ERBIN: variants seen among roughly 807,000 people sequenced by gnomAD.
The protein encoded by ERBIN is erbb2 interacting protein, also known as densin-180-like protein.
ERBIN carries 60 observed loss-of-function variants against 158.4 expected under a neutral mutation model. That is an observed-to-expected ratio of 0.38 (90% CI 0.31 to 0.47). The LOEUF (loss-of-function observed/expected upper bound fraction) is 0.47. Ranked by LOEUF, ERBIN falls within the 20% of genes least tolerant of loss-of-function variation. ERBIN has a pLI of 0.99. For synonymous variants in ERBIN, 594 were observed against 557.2 expected, an observed-to-expected ratio of 1.07 and a Z score of -0.93; for missense variants, 1,610 against 1,648.0, an observed-to-expected ratio of 0.98 and a Z score of 0.40.
intron 4 of ERBIN, among the ~76,000 whole-genome samples, chr5:66,001,025 G>GC (rs1368680849): frequency 6.6e-6 from 1 of 151,918 alleles, no homozygotes; most frequent in Admixed American, 6.6e-5. Flanking sequence ...AATTAATAAA[G>GC]CACACATATT....
At chr5:65,984,355 G>T (rs952901951) in intron 1 of ERBIN, among the ~76,000 whole-genome samples, 3 of 152,162 alleles carry the variant, frequency 2.0e-5, no homozygotes, top group Admixed American at 2.0e-4. Flanking sequence ...CTTCACTAGG[G>T]GCCCCGTCTG....
intron 21 of ERBIN, among the ~76,000 whole-genome samples, chr5:66,061,950 A>G (rs1013708783): frequency 2.0e-5 from 3 of 152,156 alleles, no homozygotes; most frequent in Admixed American, 6.5e-5. Context: ...TGGGTAACCC[A>G]ACCTTTCTCT....
chr5:66,051,226 T>G (rs1199389403), intron 20 of ERBIN, among the ~76,000 whole-genome samples: 2 of 152,202 alleles, frequency 1.3e-5, no homozygotes, highest in Non-Finnish European at 2.9e-5. Flanking sequence ...TTTTTAGATA[T>G]GGCAACATAA....
intron 1 of ERBIN, among the ~76,000 whole-genome samples, chr5:65,965,155 C>A (rs1286631756): frequency 1.4e-5 from 1 of 70,812 alleles, no homozygotes; most frequent in Non-Finnish European, 3.5e-5. Context: ...CTAATGAATT[C>A]TCATTGTGAT....
intron 3 of ERBIN, among the ~76,000 whole-genome samples, chr5:65,993,529 G>A (rs919458328): frequency 2.0e-5 from 3 of 151,668 alleles, no homozygotes; most frequent in African/African-American, 7.3e-5. Context: ...TTAAATCCCA[G>A]TCTCTCATTA....
rs1374964091 is a variant in ERBIN at position 66,080,685 on chromosome 5, A to ACC, written c.*2156_*2157dup. 6.6e-6 allele frequency: 1 copy of ACC among 152,070 alleles called. No individual in the cohort carries two copies. Among genetic ancestry groups the ACC allele is most frequent in the Non-Finnish European group, 1.5e-5 (1 of 67,918 alleles). The allele number at this position is 152,070 out of a possible 1,614,324, so 9.4% of individuals were successfully genotyped here. A position where few individuals can be genotyped will look rare whatever the true frequency, so the allele number is the denominator to read the frequency against. On this transcript the variant is annotated 3_prime_UTR_variant, in exon 26 of 26. Coordinates refer to ENST00000284037, the MANE Select transcript of ERBIN (RefSeq NM_001253697.2). ...GAAGTTTTCAACTACTTTACCTTGA[A>ACC]CCACATATACCAATTATAATTTTGG... is the stretch of plus-strand genomic sequence containing the variant.
chr5:65,960,716 G>C (rs946370929), intron 1 of ERBIN, among the ~76,000 whole-genome samples: 6 of 152,170 alleles, frequency 3.9e-5, no homozygotes, highest in Non-Finnish European at 7.4e-5. Flanking sequence ...AAGATTTTTT[G>C]AAGTGGAGAG....
intron 1 of ERBIN, among the ~76,000 whole-genome samples, chr5:65,958,135 AC>A: frequency 1.4e-5 from 2 of 142,840 alleles, no homozygotes; most frequent in South Asian, 2.4e-4. Flanking sequence ...CACTTCCCAG[AC>A]TGGGCAGCCG....
At chr5:66,056,451 G>A (rs1373427312) in intron 21 of ERBIN, among the ~76,000 whole-genome samples, 1 of 151,858 alleles carries the variant, frequency 6.6e-6, no homozygotes, top group East Asian at 1.9e-4. Context: ...TTATATGGCT[G>A]TTTTCCTACT....
At chr5:65,936,341 C>T (rs1041259247) in intron 1 of ERBIN, among the ~76,000 whole-genome samples, 1 of 152,138 alleles carries the variant, frequency 6.6e-6, no homozygotes, top group African/African-American at 2.4e-5. Context: ...TAGAATAAAT[C>T]TCTCAGTCTT....
intron 10 of ERBIN, 62 bp downstream of exon 10, chr5:66,024,512 T>A: frequency 6.7e-7 from 1 of 1,483,494 alleles, no homozygotes. Flanking sequence ...TTCCACATAA[T>A]CTCAAATTTC....
intron 2 of ERBIN, among the ~76,000 whole-genome samples, chr5:65,991,413 T>G (rs1331637313): frequency 6.6e-6 from 1 of 152,206 alleles, no homozygotes; most frequent in African/African-American, 2.4e-5. Flanking sequence ...AATACTCTAA[T>G]AGAATCTTCT....
At chr5:65,955,607 G>A (rs886822255) in intron 1 of ERBIN, among the ~76,000 whole-genome samples, 3 of 152,220 alleles carry the variant, frequency 2.0e-5, no homozygotes, top group Non-Finnish European at 2.9e-5. Context: ...TCCAGCATGG[G>A]TGACAGACTC....
At chr5:65,958,641 A>G (rs562593304) in intron 1 of ERBIN, among the ~76,000 whole-genome samples, 5 of 127,640 alleles carry the variant, frequency 3.9e-5, no homozygotes, top group South Asian at 2.8e-4. Context: ...GGAGAGGGGG[A>G]GAGAGAGGGA....
rs1754428019 is a variant in ERBIN, at chr5:66,013,616, T to C, written c.454T>C (p.Phe152Leu). 3 of 1,613,096 alleles carry C rather than the reference T, an allele frequency of 1.9e-6. No individual in the cohort carries two copies. Among genetic ancestry groups the C allele is most frequent in the South Asian group, 1.1e-5 (1 of 91,042 alleles). Residue 152 changes from phenylalanine to leucine, a missense_variant, in exon 6 of 26, where the codon TTC becomes CTC. This residue lies in a region of ERBIN where 596 missense variants were observed against 711.9 expected (regional missense o/e 0.84). Transcript: ENST00000284037. ...QLYLNDAFLE[F>L]LPANFGRLTK... ...GTATCTGAATGATGCTTTTCTTGAGTTCTTGCCAGCAAATTTTGGCAGGTA... is the reference window on the plus strand; with the variant it reads ...GTATCTGAATGATGCTTTTCTTGAGCTCTTGCCAGCAAATTTTGGCAGGTA...
intron 1 of ERBIN, among the ~76,000 whole-genome samples, chr5:65,941,006 G>A (rs1472166989): frequency 6.6e-6 from 1 of 152,042 alleles, no homozygotes; most frequent in East Asian, 1.9e-4. Context: ...CCTGTTGATC[G>A]GTGACCCTAC....
At chr5:66,063,296 G>A (rs1760633942) in intron 21 of ERBIN, among the ~76,000 whole-genome samples, 1 of 152,220 alleles carries the variant, frequency 6.6e-6, no homozygotes, top group Non-Finnish European at 1.5e-5. Context: ...AGACTGCTGT[G>A]CTAGCAATGA....
At chr5:65,992,640 T>A (rs996359974) in intron 2 of ERBIN, 70 bp from the exon 3 acceptor site, 2 of 1,137,804 alleles carry the variant, frequency 1.8e-6, no homozygotes, top group Non-Finnish European at 2.5e-6. Context: ...TGTGATAGAT[T>A]GGAATGATTT....
At chr5:66,076,797 T>C in intron 24 of ERBIN, 78 bp from the exon 25 acceptor site, 1 of 974,310 alleles carries the variant, frequency 1.0e-6, no homozygotes, top group Non-Finnish European at 1.6e-6. Context: ...TTGCATGGTG[T>C]GGAGGAAAAA....
Sources: gnomAD v4.1 joint callset for allele counts (sites outside exome capture counted in the v4.1 genomes callset) on GRCh38, gnomAD v4.1.1 for gene constraint, gnomAD v4.1.1 regional missense constraint, MANE v1.5 for transcripts, NCBI Gene and HGNC (gene_info 2026-07-23, HGNC 2026-07-21) for gene names.